Variants in NAALADL2 observed in about 807,000 individuals in gnomAD.
NAALADL2 encodes N-acetylated alpha-linked acidic dipeptidase like 2.
In NAALADL2, 76 loss-of-function variants were observed where a neutral mutation model predicts 87.2. The observed-to-expected ratio is 0.87, with a 90% CI of 0.72 to 1.05. The LOEUF (loss-of-function observed/expected upper bound fraction) is 1.05, where lower values mean the gene tolerates loss of function less well. NAALADL2 is among the 50% of genes least tolerant of loss of function. NAALADL2 has a pLI of 0.00. For synonymous variants in NAALADL2, 354 were observed against 331.0 expected, an observed-to-expected ratio of 1.07 and a Z score of -0.75; for missense variants, 1,089 against 945.8, an observed-to-expected ratio of 1.15 and a Z score of -1.99.
chr3:175,712,219 T>G (rs1289028872), intron 11 of NAALADL2, among the ~76,000 whole-genome samples: 2 of 152,080 alleles, frequency 1.3e-5, no homozygotes, highest in African/African-American at 4.8e-5. Flanking sequence ...AGTTAAAAGC[T>G]TTGATTTAAA....
intron 3 of NAALADL2, among the ~76,000 whole-genome samples, chr3:174,801,960 T>G (rs1313828592): frequency 1.3e-5 from 2 of 152,028 alleles, no homozygotes; most frequent in East Asian, 1.9e-4. Flanking sequence ...TTCTGTAAAC[T>G]CATACCTTTG....
chr3:175,466,900 T>C lies in NAALADL2; in HGVS notation c.1328-79T>C. On this transcript the variant is annotated intron_variant, in intron 7 of 13. Coordinates refer to ENST00000454872, the MANE Select transcript of NAALADL2 (RefSeq NM_207015.3). Reference sequence around the variant, plus strand: ...GCTTAATTATTGCTCAGTTGTGCAATAGAATTATGTAAATGTCATTAAATT... The same window carrying C: ...GCTTAATTATTGCTCAGTTGTGCAACAGAATTATGTAAATGTCATTAAATT... 4 of 1,202,260 alleles carry C rather than the reference T, an allele frequency of 3.3e-6. 1 individual carries two copies. In the South Asian group the frequency reaches 3.8e-5, roughly 12 times the overall value. The allele number at this position is 1,202,260 out of a possible 1,614,324, so 74.5% of individuals were successfully genotyped here.
chr3:174,649,302 T>C (rs1486897763), intron 2 of NAALADL2, among the ~76,000 whole-genome samples: 4 of 152,174 alleles, frequency 2.6e-5, no homozygotes, highest in African/African-American at 9.6e-5. Flanking sequence ...CTCTATGACT[T>C]GTCAGAGAGT....
intron 2 of NAALADL2, among the ~76,000 whole-genome samples, chr3:175,150,541 C>T (rs568318354): frequency 5.8e-4 from 88 of 152,200 alleles, no homozygotes; most frequent in Non-Finnish European, 1.0e-3. Flanking sequence ...TGTTTGATCA[C>T]GTTTACCTCC....
chr3:174,797,445 G>T (rs1718274933), intron 3 of NAALADL2, among the ~76,000 whole-genome samples: 2 of 151,096 alleles, frequency 1.3e-5, no homozygotes, highest in South Asian at 4.2e-4. Flanking sequence ...CAGAGTAGTG[G>T]AATTGCAGGC....
At chr3:174,533,458 G>T (rs1010194677) in intron 1 of NAALADL2, among the ~76,000 whole-genome samples, 3 of 152,054 alleles carry the variant, frequency 2.0e-5, no homozygotes, top group South Asian at 2.1e-4. Flanking sequence ...CCTAATACAT[G>T]TTGCTCTCTG....
intron 5 of NAALADL2, among the ~76,000 whole-genome samples, chr3:175,403,302 A>G (rs1286668389): frequency 1.3e-5 from 2 of 152,040 alleles, no homozygotes; most frequent in East Asian, 3.9e-4. Context: ...GCTGTGCAGT[A>G]GAGGTATACA....
At chr3:175,011,252 C>CAGAGAG (rs146111801) in intron 1 of NAALADL2, among the ~76,000 whole-genome samples, 4,824 of 94,034 alleles carry the variant, frequency 0.051, 323 homozygotes, top group African/African-American at 0.22. Context: ...GGGAGAGAGA[C>CAGAGAG]AGAGAGAGAG....
chr3:175,441,824 A>T (rs1004417133), intron 5 of NAALADL2, among the ~76,000 whole-genome samples: 1 of 152,002 alleles, frequency 6.6e-6, no homozygotes, highest in African/African-American at 2.4e-5. Context: ...GCACATTTTT[A>T]TCTTATCTAA....
chr3:174,837,035 T>G (rs1280305624), intron 3 of NAALADL2, among the ~76,000 whole-genome samples: 2 of 152,002 alleles, frequency 1.3e-5, no homozygotes, highest in Non-Finnish European at 2.9e-5. Context: ...CCTAAATGCC[T>G]ACATTAAAAA....
chr3:174,818,309 A>C (rs975312048), intron 3 of NAALADL2, among the ~76,000 whole-genome samples: 1 of 152,106 alleles, frequency 6.6e-6, no homozygotes, highest in East Asian at 1.9e-4. Context: ...TTATAAGCCA[A>C]ATTCTAAACC....
At chr3:174,994,159 G>T (rs529641597) in intron 1 of NAALADL2, among the ~76,000 whole-genome samples, 28 of 152,290 alleles carry the variant, frequency 1.8e-4, no homozygotes, top group African/African-American at 6.3e-4. Flanking sequence ...ACTCAATACA[G>T]TGTGAAACAG....
chr3:175,478,115 T>A (rs1404055911), intron 9 of NAALADL2, among the ~76,000 whole-genome samples: 3 of 152,060 alleles, frequency 2.0e-5, no homozygotes, highest in African/African-American at 7.2e-5. Flanking sequence ...TTTTTTTGGG[T>A]TTTGTTTATA....
chr3:174,681,643 G>A (rs538543417), intron 2 of NAALADL2, among the ~76,000 whole-genome samples: 103 of 152,296 alleles, frequency 6.8e-4, no homozygotes, highest in African/African-American at 2.3e-3. Context: ...AGCATTCCTC[G>A]TTTGCTGGCT....
intron 3 of NAALADL2, among the ~76,000 whole-genome samples, chr3:174,773,769 C>G (rs778339689): frequency 6.6e-6 from 1 of 152,030 alleles, no homozygotes; most frequent in African/African-American, 2.4e-5. Context: ...TAAATTCTTT[C>G]CTTTGAGAGC....
At chr3:174,563,095 G>A (rs1034617497) in intron 2 of NAALADL2, among the ~76,000 whole-genome samples, 10 of 151,866 alleles carry the variant, frequency 6.6e-5, no homozygotes, top group African/African-American at 2.2e-4. Flanking sequence ...AAATGATTTT[G>A]TTAATTTTCT....
intron 1 of NAALADL2, among the ~76,000 whole-genome samples, chr3:174,914,727 G>T (rs7640170): frequency 0.38 from 57,155 of 151,910 alleles, 11,685 homozygotes; most frequent in African/African-American, 0.54. Flanking sequence ...AAAAGACATT[G>T]TAATGCAATT....
chr3:174,793,176 T>C (rs1378599103), intron 3 of NAALADL2, among the ~76,000 whole-genome samples: 4 of 152,180 alleles, frequency 2.6e-5, no homozygotes, highest in Non-Finnish European at 5.9e-5. Flanking sequence ...TTTTGTTCTA[T>C]TCTTTTATGA....
At chr3:174,469,605 T>C (rs1577975729) in intron 1 of NAALADL2, among the ~76,000 whole-genome samples, 1 of 151,924 alleles carries the variant, frequency 6.6e-6, no homozygotes, top group East Asian at 1.9e-4. Flanking sequence ...ATTTTTTCTG[T>C]TTTTTCAGTA....
Sources: gnomAD v4.1 joint callset for allele counts (sites outside exome capture counted in the v4.1 genomes callset) on GRCh38, gnomAD v4.1.1 for gene constraint, MANE v1.5 for transcripts, NCBI Gene and HGNC (gene_info 2026-07-23, HGNC 2026-07-21) for gene names.